SLC10A7: variants seen among roughly 807,000 people sequenced by gnomAD.
The protein encoded by SLC10A7 is solute carrier family 10 member 7, also known as sodium/bile acid cotransporter 7.
In SLC10A7, 29 loss-of-function variants were observed where a neutral mutation model predicts 43.2. The observed-to-expected ratio is 0.67, with a 90% CI of 0.50 to 0.92. The LOEUF is 0.92. SLC10A7 is among the 40% of genes least tolerant of loss of function. The pLI, the probability that SLC10A7 is intolerant of heterozygous loss-of-function variation, is 0.00. For missense variants in SLC10A7, 295 were observed against 403.2 expected, an observed-to-expected ratio of 0.73 and a Z score of 2.30; for synonymous variants, 152 against 144.8, an observed-to-expected ratio of 1.05 and a Z score of -0.35.
chr4:146,424,120 C>T (rs1045775263), intron 5 of SLC10A7, among the ~76,000 whole-genome samples: 5 of 152,200 alleles, frequency 3.3e-5, no homozygotes, highest in South Asian at 2.1e-4. Flanking sequence ...GGCAGAATCA[C>T]GGCTCACTGC....
intron 6 of SLC10A7, among the ~76,000 whole-genome samples, chr4:146,317,855 G>C (rs548700995): frequency 4.6e-5 from 7 of 152,064 alleles, no homozygotes; most frequent in African/African-American, 1.7e-4. Context: ...TGGCTTCTCT[G>C]ATTCTCAGTC....
intron 5 of SLC10A7, among the ~76,000 whole-genome samples, chr4:146,356,042 A>C (rs867108492): frequency 2.1e-5 from 1 of 46,958 alleles, no homozygotes; most frequent in Non-Finnish European, 4.0e-5. Context: ...AGTATAATAA[A>C]AAAAAAAAAA....
chr4:146,258,345 T>C (rs1475631250), intron 11 of SLC10A7, among the ~76,000 whole-genome samples: 2 of 152,232 alleles, frequency 1.3e-5, no homozygotes, highest in African/African-American at 4.8e-5. Flanking sequence ...GATGAAAGAC[T>C]GAGGCAAAGA....
At chr4:146,414,053 G>A (rs1256544405) in intron 5 of SLC10A7, among the ~76,000 whole-genome samples, 1 of 152,066 alleles carries the variant, frequency 6.6e-6, no homozygotes, top group Non-Finnish European at 1.5e-5. Context: ...GGATGGGGAG[G>A]TCAGATACTA....
Position 146,421,147 on chromosome 4 carries a change from T to C in SLC10A7, c.435+21636A>G, listed in dbSNP as rs939765010. ...TGCTAATGGGCCACTCTGCTAAGCATTTGAGAGATTTAATCTTATTTAATC... is the reference window on the plus strand; with the variant it reads ...TGCTAATGGGCCACTCTGCTAAGCACTTGAGAGATTTAATCTTATTTAATC... On this transcript the variant is annotated intron_variant, in intron 5 of 11. Transcript: ENST00000335472. Among the ~76,000 whole-genome samples, 4 of 152,240 alleles carry C rather than the reference T, an allele frequency of 2.6e-5. No individual in the cohort carries two copies. The East Asian group carries it at 7.7e-4, about 29-fold the overall frequency.
chr4:146,462,669 A>C (rs1408390670), intron 4 of SLC10A7, among the ~76,000 whole-genome samples: 1 of 152,214 alleles, frequency 6.6e-6, no homozygotes, highest in Non-Finnish European at 1.5e-5. Flanking sequence ...ATTCTTATTA[A>C]GGTTATCCTT....
chr4:146,350,048 A>G (rs1171436240), intron 5 of SLC10A7, among the ~76,000 whole-genome samples: 1 of 152,158 alleles, frequency 6.6e-6, no homozygotes, highest in Admixed American at 6.5e-5. Context: ...CCGAATAGGA[A>G]CAGCTCCCGT....
intron 4 of SLC10A7, among the ~76,000 whole-genome samples, chr4:146,495,031 G>A (rs1735767292): frequency 6.6e-6 from 1 of 152,202 alleles, no homozygotes; most frequent in Non-Finnish European, 1.5e-5. Flanking sequence ...AGATACAGTA[G>A]AAGAGTAGGG....
At chr4:146,328,256 C>T (rs773634132) in intron 5 of SLC10A7, among the ~76,000 whole-genome samples, 31 of 152,276 alleles carry the variant, frequency 2.0e-4, no homozygotes, top group African/African-American at 5.8e-4. Flanking sequence ...GGCCTGAGGA[C>T]GGGCCTCCCT....
At chr4:146,504,258 G>A (rs749655296) in intron 3 of SLC10A7, among the ~76,000 whole-genome samples, 10 of 152,136 alleles carry the variant, frequency 6.6e-5, no homozygotes, top group African/African-American at 9.7e-5. Flanking sequence ...GGTGGCTCAC[G>A]CCTGTAATCC....
chr4:146,463,897 C>T (rs147722944), intron 4 of SLC10A7, among the ~76,000 whole-genome samples: 2 of 147,750 alleles, frequency 1.4e-5, no homozygotes, highest in Non-Finnish European at 3.0e-5. Flanking sequence ...ATTCACAGTT[C>T]ACTGCAGTCT....
chr4:146,276,414 T>C (rs768542883), intron 10 of SLC10A7, among the ~76,000 whole-genome samples: 77 of 152,190 alleles, frequency 5.1e-4, no homozygotes, highest in Non-Finnish European at 1.0e-3. Context: ...CACAGAGAAG[T>C]ATTTTAAAGT....
chr4:146,518,094 C>T (rs1199285993), intron 1 of SLC10A7, among the ~76,000 whole-genome samples: 1 of 152,190 alleles, frequency 6.6e-6, no homozygotes, highest in Non-Finnish European at 1.5e-5. Context: ...AATGTGTTAA[C>T]ACTGCGAGAA....
chr4:146,314,518 C>T (rs1732191970), intron 6 of SLC10A7, among the ~76,000 whole-genome samples: 2 of 152,130 alleles, frequency 1.3e-5, no homozygotes, highest in South Asian at 4.1e-4. Context: ...TCATATAAAA[C>T]CAGTTGATAG....
intron 5 of SLC10A7, among the ~76,000 whole-genome samples, chr4:146,399,109 C>T (rs1295206624): frequency 6.6e-6 from 1 of 152,188 alleles, no homozygotes; most frequent in Non-Finnish European, 1.5e-5. Context: ...TTTGAGCTGA[C>T]ACTGGAGTGA....
At chr4:146,270,984 G>A (rs1216774847) in intron 10 of SLC10A7, among the ~76,000 whole-genome samples, 1 of 152,132 alleles carries the variant, frequency 6.6e-6, no homozygotes, top group Non-Finnish European at 1.5e-5. Flanking sequence ...AAGAATACGG[G>A]CTTGCAAGTT....
chr4:146,393,745 A>G (rs1738616018), intron 5 of SLC10A7, among the ~76,000 whole-genome samples: 1 of 152,238 alleles, frequency 6.6e-6, no homozygotes, highest in South Asian at 2.1e-4. Context: ...ATTGGGATAA[A>G]TTATTACCAA....
In SLC10A7 at chr4:146,293,983, G is replaced by C. The variant is rs745364415; in HGVS notation, c.668C>G (p.Ser223Cys). Residue 223 changes from serine (S) to cysteine (C), a missense_variant, in exon 8 of 12, where the codon TCT becomes TGT. Coordinates refer to ENST00000335472, the MANE Select transcript of SLC10A7 (RefSeq NM_001029998.6). ...TTTATCCAGGTCAATATTTGGGTTAGAGAACGTGTCACAGAATGTTGTGTA... is the reference window on the plus strand; with the variant it reads ...TTTATCCAGGTCAATATTTGGGTTACAGAACGTGTCACAGAATGTTGTGTA... The part of the protein sequence containing the change: ...IIYTTFCDTF[S>C]NPNIDLDKFS... The C allele has an allele frequency of 1.3e-5, 21 of 1,613,518 alleles. No individual in the cohort carries two copies. Among genetic ancestry groups the C allele is most frequent in the Non-Finnish European group, 1.8e-5 (21 of 1,179,564 alleles).
At chr4:146,336,069 T>C (rs77296856) in intron 5 of SLC10A7, among the ~76,000 whole-genome samples, 1 of 152,044 alleles carries the variant, frequency 6.6e-6, no homozygotes, top group East Asian at 1.9e-4. Context: ...AAAAAATGGA[T>C]TTAGATTCTA....
Sources: gnomAD v4.1 joint callset for allele counts (sites outside exome capture counted in the v4.1 genomes callset) on GRCh38, gnomAD v4.1.1 for gene constraint, MANE v1.5 for transcripts, NCBI Gene and HGNC (gene_info 2026-07-23, HGNC 2026-07-21) for gene names.